The following PPME1 variants were observed in gnomAD, a reference collection of about 807,000 sequenced individuals.
PPME1 encodes protein phosphatase methylesterase 1.
A neutral mutation model predicts 56.9 loss-of-function variants in PPME1; 17 were observed. The ratio of observed to expected loss-of-function variants is 0.30; its 90% CI spans 0.20 to 0.45. The LOEUF is 0.45. PPME1 is among the 20% of genes least tolerant of loss of function. The pLI, the probability that PPME1 is intolerant of heterozygous loss-of-function variation, is 1.00. For synonymous variants in PPME1, 122 were observed against 156.2 expected (o/e 0.78, Z 1.63); for missense variants, 357 against 483.2 (o/e 0.74, Z 2.45).
chr11:74,250,038 A>G (rs1285634717), intron 11 of PPME1: 2 of 152,246 alleles, frequency 1.3e-5, no homozygotes, highest in Non-Finnish European at 2.9e-5. Flanking sequence ...GCTTAATTGT[A>G]TAGGGTAGAT....
At chr11:74,248,484 T>C (rs1425448094) in intron 11 of PPME1, 1 of 152,202 alleles carries the variant, frequency 6.6e-6, no homozygotes, top group African/African-American at 2.4e-5. Context: ...TCTCTCATAA[T>C]AGTTGTTCAA....
At chr11:74,191,554 TC>T (rs1857838233) in intron 1 of PPME1, among the ~76,000 whole-genome samples, 1 of 152,254 alleles carries the variant, frequency 6.6e-6, no homozygotes, top group Admixed American at 6.5e-5. Context: ...TTTGGGAAGG[TC>T]CCTCTCATCA....
At chr11:74,197,690 C>G (rs114627688) in intron 1 of PPME1, among the ~76,000 whole-genome samples, 1,750 of 152,264 alleles carry the variant, frequency 0.011, 31 homozygotes, top group African/African-American at 0.04. Context: ...GGTTCAGGAA[C>G]TGATAAGAAT....
At chr11:74,236,134 G>T in intron 8 of PPME1, 168 bp downstream of exon 8, 3 of 1,135,424 alleles carry the variant, frequency 2.6e-6, no homozygotes, top group Non-Finnish European at 1.2e-6. Flanking sequence ...ATTTTCTTTC[G>T]CCTGCCTTCC....
chr11:74,184,888 A>G (rs965611478), intron 1 of PPME1, among the ~76,000 whole-genome samples: 22 of 151,922 alleles, frequency 1.4e-4, no homozygotes, highest in Middle Eastern at 3.4e-3. Flanking sequence ...TCTTCAATTG[A>G]ATTGAGATTA....
chr11:74,208,364 A>C (rs186401752), intron 3 of PPME1, among the ~76,000 whole-genome samples: 263 of 152,152 alleles, frequency 1.7e-3, no homozygotes, highest in Middle Eastern at 6.9e-3. Context: ...GCCAATCAGC[A>C]AATACTTACT....
At chr11:74,217,302 G>T (rs1858673875) in intron 3 of PPME1, among the ~76,000 whole-genome samples, 1 of 152,132 alleles carries the variant, frequency 6.6e-6, no homozygotes, top group African/African-American at 2.4e-5. Context: ...AGCACTTTGA[G>T]AGGCTGAGGC....
At chr11:74,235,735 C>T (rs1859174029) in intron 7 of PPME1, 166 bp from the exon 8 acceptor site, 1 of 1,093,528 alleles carries the variant, frequency 9.1e-7, no homozygotes, top group African/African-American at 1.6e-5. Context: ...ACTTATAAAA[C>T]CATGTAGCCA....
At chr11:74,196,861 C>G (rs1024386442) in intron 1 of PPME1, among the ~76,000 whole-genome samples, 6 of 152,148 alleles carry the variant, frequency 3.9e-5, no homozygotes, top group African/African-American at 1.4e-4. Context: ...CCTTTGTTCT[C>G]CAGATATCAG....
chr11:74,173,749 C>G (rs1241316540), intron 1 of PPME1, among the ~76,000 whole-genome samples: 1 of 152,148 alleles, frequency 6.6e-6, no homozygotes, highest in African/African-American at 2.4e-5. Flanking sequence ...GCCATGTTGG[C>G]CAGGCTGGTC....
At chr11:74,246,038 T>C in intron 9 of PPME1, 38 bp from the exon 10 acceptor site, 1 of 1,560,922 alleles carries the variant, frequency 6.4e-7, no homozygotes, top group South Asian at 1.2e-5. Context: ...CTCCAGGGGT[T>C]GCCCTCGGAG....
At chr11:74,213,041 C>A (rs751356655) in intron 3 of PPME1, among the ~76,000 whole-genome samples, 29 of 152,006 alleles carry the variant, frequency 1.9e-4, no homozygotes, top group Non-Finnish European at 3.2e-4. Context: ...TCTTGGGGTT[C>A]CCAATTCCAG....
At chr11:74,251,922 T>C (rs1859682020) in intron 13 of PPME1, 10 of 752,086 alleles carry the variant, frequency 1.3e-5, no homozygotes, top group Non-Finnish European at 2.4e-5. Context: ...CACGGGTTGA[T>C]GCTGAGGCTG....
chr11:74,247,179 G>A, intron 11 of PPME1, 56 bp downstream of exon 11: 1 of 1,459,800 alleles, frequency 6.9e-7, no homozygotes, highest in Non-Finnish European at 9.5e-7. Flanking sequence ...GGGTGATAGG[G>A]CAGTTAACAT....
At chr11:74,175,785 G>A (rs1046978427) in intron 1 of PPME1, among the ~76,000 whole-genome samples, 1 of 152,044 alleles carries the variant, frequency 6.6e-6, no homozygotes, top group Non-Finnish European at 1.5e-5. Flanking sequence ...GGTAAACTAG[G>A]GCAGGAGTTA....
chr11:74,251,571 C>CT, intron 12 of PPME1, 77 bp from the exon 13 acceptor site: 1 of 1,575,898 alleles, frequency 6.3e-7, no homozygotes, highest in Non-Finnish European at 8.6e-7. Context: ...GCCTAACCAT[C>CT]TAACAGTAGC....
In PPME1 at chr11:74,253,732, C is replaced by T. The variant is rs981869880; in HGVS notation, c.*222C>T. The T allele has an allele frequency of 1.6e-5, 10 of 610,622 alleles. No individual in the cohort carries two copies. In the South Asian group the frequency reaches 1.8e-4, roughly 11 times the overall value. 37.8% of individuals were successfully genotyped at this position (610,622 alleles called of 1,614,324 possible). A position where few individuals can be genotyped will look rare whatever the true frequency, so the allele number is the denominator to read the frequency against. ...ATCGGCTTCCCCAGTCCAGGGCTCC[C>T]CTGCTCCTTTCCCTTCCCTGTACTG... On this transcript the variant is annotated 3_prime_UTR_variant, in exon 14 of 14. Transcript: ENST00000328257.
At chr11:74,188,651 A>G (rs1169075193) in intron 1 of PPME1, among the ~76,000 whole-genome samples, 1 of 152,136 alleles carries the variant, frequency 6.6e-6, no homozygotes, top group Non-Finnish European at 1.5e-5. Flanking sequence ...CTAACTACCT[A>G]TTTGCTTTAT....
Position 74,171,339 on chromosome 11 carries a change from G to A in PPME1, c.-83G>A, listed in dbSNP as rs1857210518. ...AAGGCGACAGGGCGTCGTTAGGGGAGCGAGTCGTGACCGGTTGGGCCACAC... is the reference window on the plus strand; with the variant it reads ...AAGGCGACAGGGCGTCGTTAGGGGAACGAGTCGTGACCGGTTGGGCCACAC... On this transcript the variant is annotated 5_prime_UTR_variant, in exon 1 of 14. Transcript: ENST00000328257. 6.6e-7 allele frequency: 1 copy of A among 1,523,428 alleles called. No homozygotes were observed. Among genetic ancestry groups the A allele is most frequent in the Admixed American group, 2.0e-5 (1 of 49,948 alleles). 94.4% of individuals were successfully genotyped at this position (1,523,428 alleles called of 1,614,324 possible). A position where few individuals can be genotyped will look rare whatever the true frequency, so the allele number is the denominator to read the frequency against.
Sources: gnomAD v4.1 joint callset for allele counts (sites outside exome capture counted in the v4.1 genomes callset) on GRCh38, gnomAD v4.1.1 for gene constraint, MANE v1.5 for transcripts, NCBI Gene and HGNC (gene_info 2026-07-23, HGNC 2026-07-21) for gene names.